The following AKAP14 variants were observed in gnomAD, a reference collection of about 807,000 sequenced individuals.
AKAP14 encodes the protein A-kinase anchor protein 14.
In AKAP14, 4 loss-of-function variants were observed where a neutral mutation model predicts 17.0. That is an observed-to-expected ratio of 0.23 (90% CI 0.12 to 0.54). The LOEUF (loss-of-function observed/expected upper bound fraction) is 0.54, where lower values mean the gene tolerates loss of function less well. AKAP14 is among the 20% of genes least tolerant of loss of function. The pLI, the probability that AKAP14 is intolerant of heterozygous loss-of-function variation, is 0.95. For synonymous variants in AKAP14, 42 were observed against 51.3 expected (o/e 0.82, Z 0.77); for missense variants, 129 against 150.9 (o/e 0.85, Z 0.76).
At position 119,914,781 on chromosome X, in the gene AKAP14, A is replaced by G; in HGVS notation, c.344A>G (p.Tyr115Cys). 1 of 1,208,517 alleles carries G rather than the reference A, an allele frequency of 8.3e-7. No homozygotes were observed. The stretch of plus-strand genomic sequence containing the variant: ...TTAATTCACAGCTTCCTCTACATCT[A>G]CTATGTACACTGGAGTATCTCAACT... Reference protein sequence around the residue: ...KDLIHSFLYIYYVHWSISTAD... With the variant: ...KDLIHSFLYICYVHWSISTAD... Residue 115 changes from tyrosine to cysteine, a missense_variant, in exon 5 of 7, where the codon TAC (tyrosine) becomes TGC (cysteine). Coordinates refer to ENST00000371431, the MANE Select transcript of AKAP14 (RefSeq NM_178813.6).
intron 2 of AKAP14, among the ~76,000 whole-genome samples, chrX:119,899,260 G>A (rs1423876485): frequency 9.1e-6 from 1 of 110,275 alleles, no homozygotes; most frequent in Non-Finnish European, 1.9e-5. Context: ...GCACAGTTGA[G>A]AGCATGGGCT....
chrX:119,914,066 C>G (rs1457955812), intron 4 of AKAP14, among the ~76,000 whole-genome samples: 1 of 108,986 alleles, frequency 9.2e-6, no homozygotes, highest in Non-Finnish European at 1.9e-5. Context: ...GAAACGCCGT[C>G]TCTACTAAAA....
intron 4 of AKAP14, among the ~76,000 whole-genome samples, chrX:119,907,601 G>A (rs1053113432): frequency 1.5e-4 from 17 of 110,346 alleles, no homozygotes; most frequent in South Asian, 3.8e-4. Context: ...AGGACTATGG[G>A]TACACAGCAC....
intron 2 of AKAP14, among the ~76,000 whole-genome samples, chrX:119,899,468 C>T (rs930008815): frequency 9.0e-6 from 1 of 111,386 alleles, no homozygotes; most frequent in South Asian, 3.8e-4. Flanking sequence ...GTGCAGCTCC[C>T]CGGGGCTAGT....
chrX:119,916,185 T>C (rs194284), intron 5 of AKAP14, among the ~76,000 whole-genome samples: 16,716 of 108,755 alleles, frequency 0.15, 1,234 homozygotes, highest in South Asian at 0.36. Context: ...CTCTCTCTTT[T>C]TTTTTTAAGA....
At chrX:119,898,567 A>G (rs944983148) in intron 2 of AKAP14, among the ~76,000 whole-genome samples, 95 of 109,040 alleles carry the variant, frequency 8.7e-4, no homozygotes, top group Non-Finnish European at 1.5e-3. Context: ...ACACCAAGGC[A>G]GGTGTATCAC....
chrX:119,917,170 A>G (rs1289856196), intron 5 of AKAP14, among the ~76,000 whole-genome samples: 1 of 109,756 alleles, frequency 9.1e-6, no homozygotes, highest in Non-Finnish European at 1.9e-5. Context: ...AACTTTCCAA[A>G]AGTGCTTCTC....
intron 5 of AKAP14, among the ~76,000 whole-genome samples, chrX:119,917,252 C>G (rs2056664776): frequency 9.0e-6 from 1 of 110,735 alleles, no homozygotes; most frequent in African/African-American, 3.3e-5. Flanking sequence ...CCGAGGTGGA[C>G]AGATCACCTG....
At chrX:119,898,402 C>T (rs750075553) in intron 2 of AKAP14, among the ~76,000 whole-genome samples, 2 of 112,470 alleles carry the variant, frequency 1.8e-5, no homozygotes, top group East Asian at 5.6e-4. Flanking sequence ...AAGGCTGTCC[C>T]AGTGGTTCTT....
intron 4 of AKAP14, among the ~76,000 whole-genome samples, chrX:119,905,155 T>C (rs1372550384): frequency 9.0e-6 from 1 of 111,710 alleles, no homozygotes; most frequent in Non-Finnish European, 1.9e-5. Flanking sequence ...AAGTTCCAGC[T>C]CTCTCTGTTC....
intron 5 of AKAP14, 175 bp from the exon 6 acceptor site, chrX:119,919,736 C>T: frequency 7.4e-6 from 3 of 402,897 alleles, no homozygotes; most frequent in Non-Finnish European, 1.3e-5. Flanking sequence ...ATCCCAGCTA[C>T]TCAGGAGGCT....
intron 4 of AKAP14, among the ~76,000 whole-genome samples, chrX:119,908,240 T>G (rs1271109333): frequency 3.0e-5 from 3 of 100,345 alleles, no homozygotes; most frequent in Middle Eastern, 5.7e-3. Context: ...TGAGCTGAGA[T>G]CGCACCACTG....
chrX:119,915,379 A>G (rs1169532952), intron 5 of AKAP14, among the ~76,000 whole-genome samples: 1 of 112,186 alleles, frequency 8.9e-6, no homozygotes, highest in Non-Finnish European at 1.9e-5. Flanking sequence ...AAGCCTATCT[A>G]CTTGCAGTCT....
chrX:119,898,639 T>A (rs183656003), intron 2 of AKAP14, among the ~76,000 whole-genome samples: 1 of 106,408 alleles, frequency 9.4e-6, no homozygotes, highest in East Asian at 3.0e-4. Context: ...CTACTAAAAA[T>A]AACAAAAACT....
At chrX:119,908,004 G>C (rs1184006646) in intron 4 of AKAP14, among the ~76,000 whole-genome samples, 1 of 111,901 alleles carries the variant, frequency 8.9e-6, no homozygotes, top group Non-Finnish European at 1.9e-5. Flanking sequence ...GGCTGGTACA[G>C]GCTGGGCGCG....
At chrX:119,898,958 G>A (rs1239773188) in intron 2 of AKAP14, among the ~76,000 whole-genome samples, 3 of 108,121 alleles carry the variant, frequency 2.8e-5, no homozygotes, top group South Asian at 8.2e-4. Flanking sequence ...CAGGAGGTCA[G>A]GAGTTCAAGA....
At chrX:119,920,435 ATCCCCT>A (rs1314248125) in intron 6 of AKAP14, 67 bp from the exon 7 acceptor site, 1 of 845,676 alleles carries the variant, frequency 1.2e-6, no homozygotes, top group Non-Finnish European at 1.7e-6. Flanking sequence ...TAAATAGGGA[ATCCCCT>A]TTGTTTGATT....
At chrX:119,904,950 G>T (rs2056589172) in intron 4 of AKAP14, among the ~76,000 whole-genome samples, 1 of 110,780 alleles carries the variant, frequency 9.0e-6, no homozygotes, top group African/African-American at 3.3e-5. Flanking sequence ...TACTCAGGAG[G>T]CTGAGGTGGG....
At chrX:119,918,753 G>A (rs1270943075) in intron 5 of AKAP14, among the ~76,000 whole-genome samples, 1 of 112,137 alleles carries the variant, frequency 8.9e-6, no homozygotes, top group Non-Finnish European at 1.9e-5. Context: ...GAATCTAGGG[G>A]AAGGGTCGTC....
Sources: allele counts gnomAD v4.1 joint callset (sites outside exome capture counted in the v4.1 genomes callset), GRCh38; gene constraint gnomAD v4.1.1; transcripts MANE v1.5; gene names NCBI Gene and HGNC (gene_info 2026-07-23, HGNC 2026-07-21).